The following FAT3 variants were observed in gnomAD, a reference collection of about 807,000 sequenced individuals.
FAT3 encodes the protein protocadherin Fat 3.
FAT3 carries 95 observed loss-of-function variants against 310.2 expected under a neutral mutation model. That is an observed-to-expected ratio of 0.31 (90% CI 0.26 to 0.36). FAT3 has a LOEUF of 0.36. Among genes scored for constraint, FAT3 ranks in the 10% least tolerant of loss-of-function variants. The pLI is 1.00. For synonymous variants in FAT3, 2,314 were observed against 2,192.9 expected (o/e 1.06, Z -1.54); for missense variants, 5,408 against 5,715.6 (o/e 0.95, Z 1.74).
chr11:92,315,587 G>A (rs1461647657), intron 1 of FAT3, among the ~76,000 whole-genome samples: 1 of 145,236 alleles, frequency 6.9e-6, no homozygotes, highest in Non-Finnish European at 1.5e-5. Context: ...GCAGTGGCAC[G>A]ATATCAGCTC....
chr11:92,731,193 G>A (rs1420002980), intron 4 of FAT3, among the ~76,000 whole-genome samples: 1 of 152,146 alleles, frequency 6.6e-6, no homozygotes, highest in Non-Finnish European at 1.5e-5. Flanking sequence ...TTGCTTTCCA[G>A]TTACTCTCAA....
At chr11:92,566,092 A>T (rs1955429747) in intron 3 of FAT3, among the ~76,000 whole-genome samples, 1 of 152,194 alleles carries the variant, frequency 6.6e-6, no homozygotes, top group Non-Finnish European at 1.5e-5. Flanking sequence ...GAGGAAGTCG[A>T]ATTGTCCCTG....
At chr11:92,560,179 C>T (rs986727885) in intron 3 of FAT3, among the ~76,000 whole-genome samples, 4 of 152,040 alleles carry the variant, frequency 2.6e-5, no homozygotes, top group African/African-American at 7.2e-5. Flanking sequence ...ATTGTGATTT[C>T]GATTTACATT....
chr11:92,689,942 A>T (rs553983583), intron 3 of FAT3, among the ~76,000 whole-genome samples: 1 of 152,282 alleles, frequency 6.6e-6, no homozygotes, highest in East Asian at 1.9e-4. Context: ...CTAGTGTAGC[A>T]GTAGAGTTAG....
chr11:92,848,072 G>A (rs7130264), intron 19 of FAT3, among the ~76,000 whole-genome samples: 58,076 of 151,566 alleles, frequency 0.38, 11,264 homozygotes, highest in East Asian at 0.46. Context: ...ATGATAAATA[G>A]AGGTAACTGT....
intron 1 of FAT3, among the ~76,000 whole-genome samples, chr11:92,273,379 C>T (rs1343710737): frequency 6.6e-6 from 1 of 152,000 alleles, no homozygotes; most frequent in East Asian, 1.9e-4. Flanking sequence ...TTTCTAGATT[C>T]TGTAACATTC....
At chr11:92,643,126 G>A (rs1942025919) in intron 3 of FAT3, among the ~76,000 whole-genome samples, 1 of 152,218 alleles carries the variant, frequency 6.6e-6, no homozygotes, top group Non-Finnish European at 1.5e-5. Flanking sequence ...TGGAGCTCAT[G>A]TGGACCAAGC....
intron 2 of FAT3, among the ~76,000 whole-genome samples, chr11:92,433,559 G>A (rs1950850466): frequency 1.3e-5 from 2 of 152,170 alleles, no homozygotes; most frequent in Non-Finnish European, 1.5e-5. Flanking sequence ...TCCGTGGGCT[G>A]CACCCACTAT....
At chr11:92,715,714 A>G (rs1051692759) in intron 4 of FAT3, among the ~76,000 whole-genome samples, 1 of 152,136 alleles carries the variant, frequency 6.6e-6, no homozygotes, top group Admixed American at 6.6e-5. Flanking sequence ...CCCAACTTTG[A>G]GAAACAACTT....
chr11:92,491,348 C>T (rs1165156638), intron 2 of FAT3, among the ~76,000 whole-genome samples: 1 of 151,990 alleles, frequency 6.6e-6, no homozygotes, highest in Non-Finnish European at 1.5e-5. Flanking sequence ...TGCTGCAAAA[C>T]CTACTGCAAT....
At chr11:92,308,865 A>T (rs75110219) in intron 1 of FAT3, among the ~76,000 whole-genome samples, 1 of 152,082 alleles carries the variant, frequency 6.6e-6, no homozygotes, top group African/African-American at 2.4e-5. Flanking sequence ...TAAAAAAAAA[A>T]TAGCAGACCC....
At chr11:92,665,373 A>G (rs773404972) in intron 3 of FAT3, among the ~76,000 whole-genome samples, 22 of 152,234 alleles carry the variant, frequency 1.4e-4, no homozygotes, top group Admixed American at 9.2e-4. Context: ...AAATTTAACA[A>G]GCACCAACTG....
intron 1 of FAT3, among the ~76,000 whole-genome samples, chr11:92,297,785 A>G (rs549778109): frequency 1.1e-4 from 16 of 152,278 alleles, no homozygotes; most frequent in African/African-American, 2.9e-4. Context: ...GAGCTCATCA[A>G]TTCTGCTTCA....
chr11:92,344,253 T>A (rs1948350292), intron 1 of FAT3, among the ~76,000 whole-genome samples: 1 of 152,130 alleles, frequency 6.6e-6, no homozygotes, highest in African/African-American at 2.4e-5. Flanking sequence ...AATAAACCAT[T>A]CATAAGTTTT....
intron 2 of FAT3, among the ~76,000 whole-genome samples, chr11:92,409,214 T>C (rs565931216): frequency 6.6e-6 from 1 of 152,110 alleles, no homozygotes; most frequent in African/African-American, 2.4e-5. Context: ...TATATTTGCT[T>C]TCTTTGTTAA....
chr11:92,708,101 G>A (rs962020613), intron 4 of FAT3, among the ~76,000 whole-genome samples: 6 of 152,156 alleles, frequency 3.9e-5, no homozygotes, highest in South Asian at 4.1e-4. Context: ...AGTTGTCAGC[G>A]TAAGGATGTA....
intron 2 of FAT3, among the ~76,000 whole-genome samples, chr11:92,412,730 T>TATATATATACAC (rs1555038573): frequency 3.5e-4 from 8 of 22,884 alleles, no homozygotes; most frequent in Admixed American, 1.4e-3. Flanking sequence ...TATATATATA[T>TATATATATACAC]ATATATATAT....
chr11:92,888,626 C>T (rs183831162), intron 25 of FAT3, among the ~76,000 whole-genome samples: 3 of 152,248 alleles, frequency 2.0e-5, no homozygotes, highest in East Asian at 3.9e-4. Context: ...TCTAATTATT[C>T]GAGAGGCCAA....
At chr11:92,430,021 G>A (rs1035709490) in intron 2 of FAT3, among the ~76,000 whole-genome samples, 1 of 151,994 alleles carries the variant, frequency 6.6e-6, no homozygotes, top group Non-Finnish European at 1.5e-5. Context: ...ACTAATCAAA[G>A]GTAGGTTTGG....
Sources: allele counts gnomAD v4.1 joint callset (sites outside exome capture counted in the v4.1 genomes callset), GRCh38; gene constraint gnomAD v4.1.1; transcripts MANE v1.5; gene names NCBI Gene and HGNC (gene_info 2026-07-23, HGNC 2026-07-21).